Variants in KLHL4 observed in about 807,000 individuals in gnomAD.
KLHL4 encodes the protein kelch-like protein 4.
A neutral mutation model predicts 45.8 loss-of-function variants in KLHL4; 17 were observed. The ratio of observed to expected loss-of-function variants is 0.37; its 90% CI spans 0.25 to 0.56. KLHL4 has a LOEUF of 0.56. KLHL4 is among the 20% of genes least tolerant of loss of function. The probability of loss-of-function intolerance (pLI) is 0.79; values close to 1 mark genes in which losing one functional copy is unlikely to be tolerated. For synonymous variants in KLHL4, 224 were observed against 189.9 expected (o/e 1.18, Z -1.47); for missense variants, 544 against 544.9 (o/e 1.00, Z 0.02).
intron 1 of KLHL4, among the ~76,000 whole-genome samples, chrX:87,562,900 C>T (rs145324710): frequency 3.6e-3 from 405 of 111,345 alleles, no homozygotes; most frequent in Non-Finnish European, 5.4e-3. Flanking sequence ...CTCCTCAATT[C>T]CAGGCAGCTC....
chrX:87,593,493 T>C, intron 1 of KLHL4, among the ~76,000 whole-genome samples: 1 of 111,936 alleles, frequency 8.9e-6, no homozygotes, highest in East Asian at 2.8e-4. Context: ...TTTAAAATTG[T>C]AGTTATTGTA....
chrX:87,622,507 T>A lies in KLHL4; in HGVS notation c.1137+84T>A, dbSNP rs1012692833. 3 of 625,317 alleles carry A rather than the reference T, an allele frequency of 4.8e-6. No homozygotes were observed. In the African/African-American group the frequency reaches 6.8e-5, roughly 14 times the overall value. 51.5% of individuals were successfully genotyped at this position (625,317 alleles called of 1,213,427 possible). On this transcript the variant is annotated intron_variant, in intron 5 of 10. Transcript: ENST00000373119. ...TCCATTTCTTATTTGCCTAATTTTA[T>A]TTTTTCAGAAGATTCCTGGTAATTT...
At chrX:87,543,303 A>G (rs1931603145) in intron 1 of KLHL4, among the ~76,000 whole-genome samples, 3 of 111,783 alleles carry the variant, frequency 2.7e-5, no homozygotes, top group African/African-American at 9.7e-5. Context: ...GCAGAGCAAG[A>G]TGGTGGAATG....
intron 1 of KLHL4, among the ~76,000 whole-genome samples, chrX:87,610,912 A>G (rs1255618460): frequency 1.8e-5 from 2 of 110,427 alleles, no homozygotes; most frequent in Admixed American, 1.9e-4. Context: ...TGTCTCTACT[A>G]AAAATACAAA....
chrX:87,528,775 A>G (rs1931176431), intron 1 of KLHL4, among the ~76,000 whole-genome samples: 1 of 105,912 alleles, frequency 9.4e-6, no homozygotes, highest in Non-Finnish European at 1.9e-5. Context: ...GTCACAGAAA[A>G]CCTGTTTAAC....
intron 1 of KLHL4, among the ~76,000 whole-genome samples, chrX:87,561,527 G>T (rs207478545): frequency 9.0e-6 from 1 of 111,580 alleles, no homozygotes; most frequent in East Asian, 2.9e-4. Context: ...CCCCAGCATT[G>T]CAGGCTAAAG....
At chrX:87,630,531 T>TA (rs1367883841) in intron 6 of KLHL4, among the ~76,000 whole-genome samples, 8 of 111,569 alleles carry the variant, frequency 7.2e-5, no homozygotes, top group Non-Finnish European at 1.9e-5. Flanking sequence ...TATATAGATG[T>TA]AAAAAATAAT....
chrX:87,588,172 C>A (rs1237962508), intron 1 of KLHL4, among the ~76,000 whole-genome samples: 1 of 111,532 alleles, frequency 9.0e-6, no homozygotes, highest in Non-Finnish European at 1.9e-5. Flanking sequence ...CCCACAAATT[C>A]CATGTTCATA....
At chrX:87,622,474 G>A (rs778241018) in intron 5 of KLHL4, 51 bp downstream of exon 5, 1 of 787,167 alleles carries the variant, frequency 1.3e-6, no homozygotes, top group Non-Finnish European at 1.8e-6. Context: ...ACTACCACTA[G>A]GCACTAATCC....
At chrX:87,552,467 T>C (rs1349174411) in intron 1 of KLHL4, among the ~76,000 whole-genome samples, 1 of 111,408 alleles carries the variant, frequency 9.0e-6, no homozygotes, top group African/African-American at 3.3e-5. Flanking sequence ...TGTAAACTAG[T>C]ACAGCCACTG....
At chrX:87,531,112 G>A (rs765671105) in intron 1 of KLHL4, among the ~76,000 whole-genome samples, 2 of 110,227 alleles carry the variant, frequency 1.8e-5, no homozygotes, top group South Asian at 3.9e-4. Flanking sequence ...CTTTTTGATG[G>A]GGTTGTTTTT....
At chrX:87,551,608 T>TAGATAGATAGATAGATAGATGGAA (rs761675267) in intron 1 of KLHL4, among the ~76,000 whole-genome samples, 2 of 107,112 alleles carry the variant, frequency 1.9e-5, no homozygotes, top group African/African-American at 6.8e-5. Flanking sequence ...GATAGATAGA[T>TAGATAGATAGATAGATAGATGGAA]AGAAATAGAA....
chrX:87,664,988 TATTAA>T, intron 10 of KLHL4, 53 bp downstream of exon 10: 1 of 793,439 alleles, frequency 1.3e-6, no homozygotes, highest in Non-Finnish European at 1.8e-6. Context: ...AAAAAGAAGA[TATTAA>T]ATTATATTTT....
At chrX:87,644,368 A>G (rs1341050422) in intron 9 of KLHL4, among the ~76,000 whole-genome samples, 1 of 111,276 alleles carries the variant, frequency 9.0e-6, no homozygotes, top group Non-Finnish European at 1.9e-5. Flanking sequence ...AGACCTCTAC[A>G]AGGAAAACTA....
intron 5 of KLHL4, among the ~76,000 whole-genome samples, chrX:87,624,917 A>G (rs1922874104): frequency 8.9e-6 from 1 of 112,359 alleles, no homozygotes; most frequent in African/African-American, 3.2e-5. Context: ...TGATACAGAT[A>G]CCATCCACCA....
intron 1 of KLHL4, among the ~76,000 whole-genome samples, chrX:87,523,187 A>C (rs1218460217): frequency 9.0e-6 from 1 of 111,727 alleles, no homozygotes; most frequent in African/African-American, 3.3e-5. Flanking sequence ...TTTGTACTTT[A>C]AAGACTTTTT....
At chrX:87,595,210 C>A (rs1041663227) in intron 1 of KLHL4, among the ~76,000 whole-genome samples, 1 of 111,004 alleles carries the variant, frequency 9.0e-6, no homozygotes, top group East Asian at 2.8e-4. Flanking sequence ...GTGATGTTCC[C>A]CTTCCTGTGT....
chrX:87,527,037 T>G (rs1197994182), intron 1 of KLHL4, among the ~76,000 whole-genome samples: 7 of 111,837 alleles, frequency 6.3e-5, no homozygotes. Flanking sequence ...AACTATGGAA[T>G]GAAATAATGA....
intron 1 of KLHL4, among the ~76,000 whole-genome samples, chrX:87,600,310 C>A (rs949634917): frequency 9.1e-6 from 1 of 110,225 alleles, no homozygotes; most frequent in African/African-American, 3.3e-5. Context: ...GGCGAAACCC[C>A]GTCTCTACTA....
Sources: gnomAD v4.1 joint callset for allele counts (sites outside exome capture counted in the v4.1 genomes callset) on GRCh38, gnomAD v4.1.1 for gene constraint, MANE v1.5 for transcripts, NCBI Gene and HGNC (gene_info 2026-07-23, HGNC 2026-07-21) for gene names.